Variants in DLGAP2 observed in about 807,000 individuals in gnomAD.
DLGAP2 encodes DLG associated protein 2, also known as disks large-associated protein 2.
In DLGAP2, 26 loss-of-function variants were observed where a neutral mutation model predicts 100.3. The observed-to-expected ratio is 0.26, with a 90% CI of 0.19 to 0.36. The LOEUF is 0.36. Ranked by LOEUF, DLGAP2 falls within the 10% of genes least tolerant of loss-of-function variation. The pLI is 1.00. For missense variants in DLGAP2, 1,858 were observed against 1,453.2 expected, an observed-to-expected ratio of 1.28 and a Z score of -4.53; for synonymous variants, 886 against 630.1, an observed-to-expected ratio of 1.41 and a Z score of -6.08.
chr8:1,542,006 A>G (rs1353587479), intron 4 of DLGAP2, among the ~76,000 whole-genome samples: 1 of 152,256 alleles, frequency 6.6e-6, no homozygotes, highest in Non-Finnish European at 1.5e-5. Context: ...TCTCTGAGCC[A>G]TATAGTGATC....
chr8:1,074,411 G>T (rs979889244), intron 2 of DLGAP2, among the ~76,000 whole-genome samples: 1 of 152,200 alleles, frequency 6.6e-6, no homozygotes, highest in Admixed American at 6.5e-5. Flanking sequence ...CAGCCTTTCA[G>T]TTCACATCAT....
intron 3 of DLGAP2, among the ~76,000 whole-genome samples, chr8:1,460,444 A>C (rs1297035585): frequency 6.6e-6 from 1 of 152,188 alleles, no homozygotes; most frequent in African/African-American, 2.4e-5. Flanking sequence ...AACCCCTTGA[A>C]GATTAACATG....
At chr8:1,448,292 G>T (rs1410834017) in intron 3 of DLGAP2, among the ~76,000 whole-genome samples, 5 of 152,026 alleles carry the variant, frequency 3.3e-5, no homozygotes, top group African/African-American at 1.2e-4. Flanking sequence ...TTGTGTCTTT[G>T]TTCTCGTTGG....
chr8:1,114,228 G>A (rs1033027979), intron 2 of DLGAP2, among the ~76,000 whole-genome samples: 1 of 152,098 alleles, frequency 6.6e-6, no homozygotes, highest in Non-Finnish European at 1.5e-5. Context: ...GAGTTGGGGA[G>A]GAGTCCCTCC....
At chr8:1,099,064 C>G (rs1804494826) in intron 2 of DLGAP2, among the ~76,000 whole-genome samples, 2 of 152,150 alleles carry the variant, frequency 1.3e-5, no homozygotes, top group South Asian at 2.1e-4. Flanking sequence ...ACTGTTCTTA[C>G]AGCATTTCAA....
At chr8:1,091,560 G>T (rs1804182472) in intron 2 of DLGAP2, among the ~76,000 whole-genome samples, 1 of 152,218 alleles carries the variant, frequency 6.6e-6, no homozygotes, top group East Asian at 1.9e-4. Context: ...CACCTGTAGT[G>T]CTTTTCAGCC....
intron 2 of DLGAP2, among the ~76,000 whole-genome samples, chr8:988,865 C>A (rs757086736): frequency 3.9e-5 from 6 of 152,210 alleles, no homozygotes; most frequent in Admixed American, 1.3e-4. Flanking sequence ...GTCCCACAGT[C>A]ACCTGCATGA....
In DLGAP2 at chr8:882,977, A is replaced by G. The variant is rs374865887; in HGVS notation, c.19-24935A>G. 3.3e-5 allele frequency among the ~76,000 whole-genome samples: 5 copies of G among 152,342 alleles called. No individual in the cohort carries two copies. The East Asian group carries it at 5.8e-4, about 18-fold the overall frequency. On this transcript the variant is annotated intron_variant, in intron 1 of 14. Transcript: ENST00000637795. ...CAGAAGTTGAGTTTTTGTTGGTGACACTGACAAGCTTTGTTTCCCTCCCTG... is the reference window on the plus strand; with the variant it reads ...CAGAAGTTGAGTTTTTGTTGGTGACGCTGACAAGCTTTGTTTCCCTCCCTG...
chr8:758,120 G>A (rs1208703065), intron 1 of DLGAP2, among the ~76,000 whole-genome samples: 1 of 152,252 alleles, frequency 6.6e-6, no homozygotes, highest in East Asian at 1.9e-4. Context: ...TGAGCTCACT[G>A]AAGCCTAAAA....
chr8:1,036,141 G>A (rs1319909161), intron 2 of DLGAP2, among the ~76,000 whole-genome samples: 2 of 144,072 alleles, frequency 1.4e-5, no homozygotes, highest in African/African-American at 2.6e-5. Flanking sequence ...CCGACCCCGC[G>A]TGTCACCGCG....
At chr8:1,417,553 G>A (rs1344154585) in intron 3 of DLGAP2, among the ~76,000 whole-genome samples, 1 of 152,058 alleles carries the variant, frequency 6.6e-6, no homozygotes, top group African/African-American at 2.4e-5. Context: ...GGGATCCGAA[G>A]CCCAGAACAG....
rs185301209 is a variant in DLGAP2, at chr8:1,640,800, A to G, written c.1810+7754A>G. On this transcript the variant is annotated intron_variant, in intron 8 of 14. Coordinates refer to ENST00000637795, the MANE Select transcript of DLGAP2 (RefSeq NM_001346810.2). ...CCCCGCATCTAGACTTGTGTTTTAC[A>G]GTAAATGACGAAATGCAGTCCAGAT... Among the ~76,000 whole-genome samples, 356 of 152,350 alleles carry G rather than the reference A, an allele frequency of 2.3e-3. 2 individuals carry two copies. The highest frequency in any genetic ancestry group is 7.7e-3 in the African/African-American group (321 of 41,586).
At chr8:1,501,537 T>C in intron 4 of DLGAP2, 106 bp downstream of exon 4, 1 of 1,118,906 alleles carries the variant, frequency 8.9e-7, no homozygotes, top group Non-Finnish European at 1.3e-6. Context: ...CGTTAGCATG[T>C]TTAGAAAGGG....
In DLGAP2 at chr8:1,701,440, C is replaced by G. The variant is rs538474662; in HGVS notation, c.*34C>G. ...GCCGGCGCCTTCCCCTCGTCGCTTC[C>G]GCTTTCCCGGACGCTTGTGCAGCGC... is the stretch of plus-strand genomic sequence containing the variant. On this transcript the variant is annotated 3_prime_UTR_variant, in exon 15 of 15. Transcript: ENST00000637795. The G allele has an allele frequency of 5.8e-4, 903 of 1,546,444 alleles. 2 individuals carry two copies. The highest frequency in any genetic ancestry group is 1.7e-3 in the South Asian group (141 of 84,206).
At chr8:797,011 G>T (rs73181025) in intron 1 of DLGAP2, among the ~76,000 whole-genome samples, 3 of 152,320 alleles carry the variant, frequency 2.0e-5, no homozygotes, top group Non-Finnish European at 4.4e-5. Context: ...ATAGTATCTT[G>T]TACTTAAAAT....
At chr8:1,390,342 T>C (rs1307236733) in intron 3 of DLGAP2, among the ~76,000 whole-genome samples, 6 of 94,966 alleles carry the variant, frequency 6.3e-5, no homozygotes, top group African/African-American at 1.1e-4. Flanking sequence ...GTATGACCTT[T>C]TAAAACTCCG....
intron 2 of DLGAP2, among the ~76,000 whole-genome samples, chr8:1,045,854 G>A (rs1462657440): frequency 2.6e-5 from 4 of 152,150 alleles, no homozygotes; most frequent in Admixed American, 6.5e-5. Context: ...GCCATAGGAC[G>A]GCGCCCCCTG....
intron 3 of DLGAP2, among the ~76,000 whole-genome samples, chr8:1,476,828 A>G (rs1451379133): frequency 1.4e-5 from 2 of 138,668 alleles, no homozygotes; most frequent in Non-Finnish European, 3.0e-5. Flanking sequence ...GCTGTCGGCC[A>G]CCCACCAGCC....
At chr8:1,170,352 G>A (rs1027126783) in intron 2 of DLGAP2, among the ~76,000 whole-genome samples, 1 of 152,028 alleles carries the variant, frequency 6.6e-6, no homozygotes, top group African/African-American at 2.4e-5. Flanking sequence ...CTCTTTTTTG[G>A]TTGTGTCTCT....
Sources: allele counts gnomAD v4.1 joint callset (sites outside exome capture counted in the v4.1 genomes callset), GRCh38; gene constraint gnomAD v4.1.1; transcripts MANE v1.5; gene names NCBI Gene and HGNC (gene_info 2026-07-23, HGNC 2026-07-21).